The following SYNM variants were observed in gnomAD, a reference collection of about 807,000 sequenced individuals.
SYNM encodes synemin, also known as desmuslin.
In SYNM, 95 loss-of-function variants were observed where a neutral mutation model predicts 104.0. The observed-to-expected ratio is 0.91, with a 90% CI of 0.77 to 1.08. SYNM has a LOEUF of 1.08. SYNM is among the 50% of genes least tolerant of loss of function. The pLI, the probability that SYNM is intolerant of heterozygous loss-of-function variation, is 0.00. For synonymous variants in SYNM, 918 were observed against 869.0 expected, an observed-to-expected ratio of 1.06 and a Z score of -0.99; for missense variants, 2,150 against 2,052.2, an observed-to-expected ratio of 1.05 and a Z score of -0.92.
Position 99,105,116 on chromosome 15 carries a change from CGT to C in SYNM, c.-83_-82del, listed in dbSNP as rs2151795256. On this transcript the variant is annotated 5_prime_UTR_variant, in exon 1 of 4. Coordinates refer to ENST00000336292, the MANE Select transcript of SYNM (RefSeq NM_145728.3). The stretch of plus-strand genomic sequence containing the variant: ...CTCCGGGGCAGCGGCGAGGCCGGAG[CGT>C]CGCGGCGGAGAGGACGAGACCGGGA... 1.2e-5 allele frequency: 17 copies of C among 1,435,804 alleles called. No homozygotes were observed. The highest frequency in any genetic ancestry group is 1.6e-5 in the Non-Finnish European group (17 of 1,073,466). The allele number at this position is 1,435,804 out of a possible 1,614,324, so 88.9% of individuals were successfully genotyped here.
rs1555486134 is a variant in SYNM at position 99,132,501 on chromosome 15, C to T, written c.4141C>T (p.Gln1381Ter). 2 of 1,614,016 alleles carry T rather than the reference C, an allele frequency of 1.2e-6. No homozygotes were observed. The highest frequency in any genetic ancestry group is 2.2e-5 in the South Asian group (2 of 91,080). Residue 1381 changes from glutamine (Q) to a stop codon, truncating the protein, a stop_gained, in exon 4 of 4, where the codon CAG (glutamine) becomes TAG (stop). Transcript: ENST00000336292. LOFTEE classifies it high-confidence loss of function. ...TFQSVVSESPQEDSAEDTSGA... is the reference protein window; with the variant it reads ...TFQSVVSESP ...CCAAAGTGTCGTTTCTGAATCTCCC[C>T]AGGAGGATAGTGCAGAGGACACATC...
Position 99,129,503 on chromosome 15 carries a change from C to A in SYNM, c.1143C>A (p.His381Gln), listed in dbSNP as rs782113960. 2.8e-5 allele frequency: 45 copies of A among 1,613,842 alleles called. No individual in the cohort carries two copies. Among genetic ancestry groups the A allele is most frequent in the Non-Finnish European group, 3.6e-5 (42 of 1,179,908 alleles). The change falls in exon 4 of 4, where the codon CAC becomes CAA. Residue 381 changes from histidine to glutamine, a missense_variant. Physicochemically the swap from His to Gln is conservative, Grantham distance 24. Coordinates refer to ENST00000336292, the MANE Select transcript of SYNM (RefSeq NM_145728.3). ...SSALYSNLSG[H>Q]RGSQTGTSIG... ...CACTGTATTCTAACCTGTCAGGGCA[C>A]CGTGGATCTCAGACGGGCACATCTA...
chr15:99,108,727 G>A (rs2067272501), intron 1 of SYNM, among the ~76,000 whole-genome samples: 1 of 152,166 alleles, frequency 6.6e-6, no homozygotes, highest in South Asian at 2.1e-4. Flanking sequence ...CACCTGATTA[G>A]TAAGTAGTTA....
intron 2 of SYNM, among the ~76,000 whole-genome samples, chr15:99,117,006 A>C: frequency 7.0e-6 from 1 of 143,816 alleles, no homozygotes; most frequent in East Asian, 2.3e-4. Flanking sequence ...ACCAGATCTC[A>C]TGTGGACTCA....
At position 99,131,384 on chromosome 15, in the gene SYNM, T is replaced by C. The variant is rs199519443; in HGVS notation, c.3024T>C (p.Thr1008=). 1.9e-4 allele frequency: 304 copies of C among 1,613,054 alleles called. 1 individual carries two copies. The African/African-American group carries it at 3.6e-3, about 19-fold the overall frequency. ...TLVAEVNVSQ[T]VDADRLDLEE... Reference sequence around the variant, plus strand: ...TTGCTGAAGTCAACGTCTCACAAACTGTGGATGCCGATCGGTTAGACCTGG... The same window carrying C: ...TTGCTGAAGTCAACGTCTCACAAACCGTGGATGCCGATCGGTTAGACCTGG... The change falls in exon 4 of 4, where the codon ACT becomes ACC. Residue 1008 remains threonine (T), a synonymous_variant. Coordinates refer to ENST00000336292, the MANE Select transcript of SYNM (RefSeq NM_145728.3). This position sits in a 1 kb window ranked among gnomAD's most constrained non-coding sequence, Gnocchi z 4.3.
intron 2 of SYNM, among the ~76,000 whole-genome samples, chr15:99,124,435 T>C (rs906760): frequency 0.36 from 55,214 of 151,902 alleles, 10,214 homozygotes; most frequent in Middle Eastern, 0.49. Flanking sequence ...AAAGGTGACA[T>C]GTGTCGCTGC....
In SYNM at chr15:99,129,590, G is replaced by T. The variant is rs1555485420; in HGVS notation, c.1230G>T (p.Gln410His). 1 of 1,613,808 alleles carries T rather than the reference G, an allele frequency of 6.2e-7. No homozygotes were observed. The highest frequency in any genetic ancestry group is 1.3e-5 in the African/African-American group (1 of 74,896). The change falls in exon 4 of 4, where the codon CAG becomes CAT. Residue 410 changes from glutamine (Q) to histidine (H), a missense_variant. Physicochemically the swap from Gln to His is conservative, Grantham distance 24. Coordinates refer to ENST00000336292, the MANE Select transcript of SYNM (RefSeq NM_145728.3). ...GATATTCTTCCTCGGCCACTACCCAGCAGGAAAACTCATACGGAAAAGCCG... is the reference window on the plus strand; with the variant it reads ...GATATTCTTCCTCGGCCACTACCCATCAGGAAAACTCATACGGAAAAGCCG... ...GSGYSSSATT[Q>H]QENSYGKAVS... is the part of the protein sequence containing the mutation.
intron 2 of SYNM, among the ~76,000 whole-genome samples, chr15:99,117,369 G>C (rs1274317330): frequency 6.6e-6 from 1 of 152,176 alleles, no homozygotes; most frequent in Non-Finnish European, 1.5e-5. Context: ...CTGGCCAGAG[G>C]AATGTAGGGC....
At chr15:99,113,786 C>T in intron 2 of SYNM, 71 bp downstream of exon 2, 2 of 1,578,004 alleles carry the variant, frequency 1.3e-6, no homozygotes, top group Non-Finnish European at 1.7e-6. Context: ...GGAAACTGGT[C>T]TAGGGACCGT....
rs142629386 is a variant in SYNM at position 99,132,240 on chromosome 15, G to C, written c.3880G>C (p.Asp1294His). The change falls in exon 4 of 4, where the codon GAT (aspartate) becomes CAT (histidine). Residue 1294 changes from aspartate (D) to histidine (H), a missense_variant. By Grantham distance (81) the Asp-to-His change is moderately conservative. Transcript: ENST00000336292. ...SDKVELGVIG[D>H]SVHMEGLPGS... ...CAAGGTGGAGTTGGGTGTCATAGGA[G>C]ATTCTGTACACATGGAAGGGTTGCC... 2 of 1,610,270 alleles carry C rather than the reference G, an allele frequency of 1.2e-6. No individual in the cohort carries two copies. Among genetic ancestry groups the C allele is most frequent in the African/African-American group, 2.7e-5 (2 of 74,764 alleles).
chr15:99,127,780 G>A (rs192083592), intron 3 of SYNM, among the ~76,000 whole-genome samples: 2 of 152,320 alleles, frequency 1.3e-5, no homozygotes, highest in African/African-American at 2.4e-5. Flanking sequence ...TAACTCCCCA[G>A]ATTTCAAGGT....
At position 99,132,766 on chromosome 15, in the gene SYNM, T is replaced by C. The variant is rs1235763140; in HGVS notation, c.4406T>C (p.Val1469Ala). ...SFTFQMDVSN[V>A]EAIRSRTQEA... The stretch of plus-strand genomic sequence containing the variant: ...ACCTTTCAGATGGATGTGAGTAACG[T>C]AGAGGCGATCCGCAGCCGGACACAG... Residue 1469 changes from valine (V) to alanine (A), a missense_variant, in exon 4 of 4, where the codon GTA (valine) becomes GCA (alanine). By Grantham distance (64) the Val-to-Ala change is moderately conservative (BLOSUM62 0). Transcript: ENST00000336292. The C allele has an allele frequency of 6.2e-7, 1 of 1,613,540 alleles. No homozygotes were observed. Among genetic ancestry groups the C allele is most frequent in the Non-Finnish European group, 8.5e-7 (1 of 1,179,808 alleles).
At chr15:99,122,368 C>T (rs1478043089) in intron 2 of SYNM, among the ~76,000 whole-genome samples, 9 of 152,176 alleles carry the variant, frequency 5.9e-5, no homozygotes, top group African/African-American at 1.2e-4. Context: ...TACCTTTTCA[C>T]GTGTCTATTC....
chr15:99,132,644 G>T lies in SYNM; in HGVS notation c.4284G>T (p.Val1428=), dbSNP rs28379581. 6.8e-5 allele frequency: 109 copies of T among 1,613,896 alleles called. No homozygotes were observed. The highest frequency in any genetic ancestry group is 1.6e-4 in the Middle Eastern group (1 of 6,084). The change falls in exon 4 of 4, where the codon GTG becomes GTT. Residue 1428 remains valine (V), a synonymous_variant. Transcript: ENST00000336292. ...GTGGACCCGTGTCCAGAACATTTGTGCTTGCTGGTTCAGCGGACTCCCCTG... is the reference window on the plus strand; with the variant it reads ...GTGGACCCGTGTCCAGAACATTTGTTCTTGCTGGTTCAGCGGACTCCCCTG... ...AIRGPVSRTF[V]LAGSADSPEL...
Position 99,131,885 on chromosome 15 carries a change from G to A in SYNM, c.3525G>A (p.Thr1175=), listed in dbSNP as rs782117342. The A allele has an allele frequency of 9.3e-6, 15 of 1,613,822 alleles. No individual in the cohort carries two copies. In the South Asian group the frequency reaches 9.9e-5, roughly 11 times the overall value. The change falls in exon 4 of 4, where the codon ACG becomes ACA. Residue 1175 remains threonine (T), a synonymous_variant. Transcript: ENST00000336292. The surrounding 1 kb of genome is among the most constrained non-coding windows in gnomAD (Gnocchi z 4.3). ...TGASRSVRHV[T]LGPGQSPLSR... ...CCAGCCGGTCTGTGAGGCATGTCAC[G>A]CTGGGTCCCGGTCAAAGTCCACTGT...
downstream of SYNM, chr15:99,137,702 C>A: frequency 3.0e-6 from 1 of 338,844 alleles, no homozygotes; most frequent in Non-Finnish European, 5.6e-6. Context: ...CTGCACAGGG[C>A]GCACTGAACT....
chr15:99,118,277 C>T (rs934305789), intron 2 of SYNM, among the ~76,000 whole-genome samples: 4 of 152,256 alleles, frequency 2.6e-5, no homozygotes, highest in African/African-American at 9.6e-5. Flanking sequence ...GAGTCTTGCT[C>T]AGTAGTCTGC....
In SYNM at chr15:99,129,548, A is replaced by C; in HGVS notation, c.1188A>C (p.Arg396Ser). The C allele has an allele frequency of 6.2e-7, 1 of 1,613,990 alleles. No homozygotes were observed. ...TGTSIGGDAR[R>S]GFLGSGYSSS... is the part of the protein sequence containing the mutation. ...CATCTATTGGAGGTGATGCCAGAAG[A>C]GGCTTCTTGGGCTCGGGATATTCTT... The change falls in exon 4 of 4, where the codon AGA (arginine) becomes AGC (serine). Residue 396 changes from arginine to serine, a missense_variant. Physicochemically the swap from Arg to Ser is moderately radical, Grantham distance 110. Coordinates refer to ENST00000336292, the MANE Select transcript of SYNM (RefSeq NM_145728.3).
At chr15:99,111,917 C>T (rs1471418081) in intron 1 of SYNM, among the ~76,000 whole-genome samples, 2 of 152,146 alleles carry the variant, frequency 1.3e-5, no homozygotes, top group Admixed American at 6.5e-5. Flanking sequence ...TGATGGCAGG[C>T]GCCTGTATAC....
Sources: allele counts gnomAD v4.1 joint callset (sites outside exome capture counted in the v4.1 genomes callset), GRCh38; gene constraint gnomAD v4.1.1; non-coding constraint Gnocchi (gnomAD v3.1); transcripts MANE v1.5; gene names NCBI Gene and HGNC (gene_info 2026-07-23, HGNC 2026-07-21).